The following PHEX variants were observed in gnomAD, a reference collection of about 807,000 sequenced individuals.
PHEX encodes phosphate-regulating neutral endopeptidase PHEX.
Under a neutral mutation model 68.0 loss-of-function variants are expected in PHEX, and 16 were observed. The observed-to-expected ratio is 0.24, with a 90% CI of 0.16 to 0.36. The LOEUF is 0.36. PHEX is among the 10% of genes least tolerant of loss of function. PHEX has a pLI of 1.00. For missense variants in PHEX, 480 were observed against 575.5 expected (o/e 0.83, Z 1.70); for synonymous variants, 208 against 205.1 (o/e 1.01, Z -0.12).
rs765989467 is a variant in PHEX, at chrX:22,076,512, C to A, written c.436+38C>A. ...GAAAACTAAATAAAATATTTACCAT[C>A]CCTATCCTTTAGAGTTCTATTAATG... On this transcript the variant is annotated intron_variant, in intron 4 of 21. Transcript: ENST00000379374. The A allele has an allele frequency of 8.0e-6, 7 of 879,914 alleles. No individual in the cohort carries two copies. In the Admixed American group the frequency reaches 1.3e-4, roughly 17 times the overall value. The allele number at this position is 879,914 out of a possible 1,213,427, so 72.5% of individuals were successfully genotyped here.
chrX:22,204,513 C>T (rs974112214), intron 15 of PHEX, among the ~76,000 whole-genome samples: 4 of 111,903 alleles, frequency 3.6e-5, no homozygotes, highest in African/African-American at 1.3e-4. Context: ...CGAGTGGTAT[C>T]CTTTCTCCCT....
intron 16 of PHEX, among the ~76,000 whole-genome samples, chrX:22,215,244 C>CTTGT (rs1935050843): frequency 9.0e-6 from 1 of 111,161 alleles, no homozygotes; most frequent in Admixed American, 9.6e-5. Flanking sequence ...TTCCTAAAGA[C>CTTGT]TTGTTTGTCC....
intron 12 of PHEX, among the ~76,000 whole-genome samples, chrX:22,166,293 C>T (rs757559559): frequency 9.0e-6 from 1 of 111,697 alleles, no homozygotes; most frequent in Admixed American, 9.5e-5. Context: ...ATTTAGCTCT[C>T]TCTTAGCTGT....
At chrX:22,217,107 A>T (rs941709868) in intron 16 of PHEX, among the ~76,000 whole-genome samples, 2 of 111,778 alleles carry the variant, frequency 1.8e-5, no homozygotes, top group Admixed American at 9.5e-5. Context: ...CCTTCAATTC[A>T]TCCAGTCAAC....
chrX:22,203,701 G>A (rs923764950), intron 15 of PHEX, among the ~76,000 whole-genome samples: 29 of 111,249 alleles, frequency 2.6e-4, no homozygotes, highest in South Asian at 1.1e-3. Context: ...CATTCATCCC[G>A]GATTTTCTAA....
intron 13 of PHEX, among the ~76,000 whole-genome samples, chrX:22,173,993 C>T (rs1933621751): frequency 1.8e-5 from 2 of 112,015 alleles, no homozygotes; most frequent in South Asian, 7.4e-4. Flanking sequence ...CCTTGTTCTG[C>T]GCTTATTACA....
In PHEX at chrX:22,249,535, G is replaced by A. The variant is rs1157389427; in HGVS notation, c.*1582G>A. On this transcript the variant is annotated 3_prime_UTR_variant, in exon 22 of 22. Coordinates refer to ENST00000379374, the MANE Select transcript of PHEX (RefSeq NM_000444.6). Reference sequence around the variant, plus strand: ...CATGTCCTTTTGTAGCCATGGGAACGTTTGAATGGAGAAAAATGGAGGGGC... The same window carrying A: ...CATGTCCTTTTGTAGCCATGGGAACATTTGAATGGAGAAAAATGGAGGGGC... The A allele has an allele frequency of 6.4e-5, 6 of 93,299 alleles. No homozygotes were observed. The highest frequency in any genetic ancestry group is 2.1e-4 in the African/African-American group (5 of 23,464). 7.7% of individuals were successfully genotyped at this position (93,299 alleles called of 1,213,427 possible).
chrX:22,037,016 G>A lies in PHEX; in HGVS notation c.119-1453G>A, dbSNP rs950552756. Among the ~76,000 whole-genome samples, 4 of 106,055 alleles carry A rather than the reference G, an allele frequency of 3.8e-5. No homozygotes were observed. The East Asian group carries it at 8.9e-4, about 24-fold the overall frequency. The allele number at this position is 106,055 out of a possible 115,157, so 92.1% of individuals were successfully genotyped here. A position where few individuals can be genotyped will look rare whatever the true frequency, so the allele number is the denominator to read the frequency against. ...CGGGAGGCTGAGGCAGGAGAATGGCGTGAACCCGGGAGGCAGAGCTTGCAG... is the reference window on the plus strand; with the variant it reads ...CGGGAGGCTGAGGCAGGAGAATGGCATGAACCCGGGAGGCAGAGCTTGCAG... On this transcript the variant is annotated intron_variant, in intron 1 of 21. Transcript: ENST00000379374.
In PHEX at chrX:22,249,455, A is replaced by ATATATATATAT. The variant is rs1555900710; in HGVS notation, c.*1502_*1503insTATATATATAT. ...TTGTGATTCTTTTAAAAAAAAAAAAAATATATATATATATATATATATATA... is the reference window on the plus strand; with the variant it reads ...TTGTGATTCTTTTAAAAAAAAAAAAATATATATATATATATATATATATATATATATATATA... On this transcript the variant is annotated 3_prime_UTR_variant, in exon 22 of 22. Coordinates refer to ENST00000379374, the MANE Select transcript of PHEX (RefSeq NM_000444.6). The ATATATATATAT allele has an allele frequency of 1.3e-3, 51 of 39,738 alleles. No individual in the cohort carries two copies. The highest frequency in any genetic ancestry group is 1.6e-3 in the Non-Finnish European group (39 of 24,461). The allele number at this position is 39,738 out of a possible 1,213,427, so 3.3% of individuals were successfully genotyped here.
At chrX:22,179,155 G>A (rs761423828) in intron 14 of PHEX, among the ~76,000 whole-genome samples, 1 of 111,281 alleles carries the variant, frequency 9.0e-6, no homozygotes, top group South Asian at 3.8e-4. Flanking sequence ...ATCACATTTT[G>A]TTCTGTCTGC....
At chrX:22,224,511 A>G (rs1935379034) in intron 18 of PHEX, among the ~76,000 whole-genome samples, 1 of 110,673 alleles carries the variant, frequency 9.0e-6, no homozygotes, top group South Asian at 3.9e-4. Flanking sequence ...AGATGAGGTG[A>G]CTCCCATAAG....
intron 2 of PHEX, among the ~76,000 whole-genome samples, chrX:22,042,661 T>G (rs1176525265): frequency 2.7e-5 from 3 of 111,186 alleles, no homozygotes; most frequent in Non-Finnish European, 5.7e-5. Context: ...GGCGCAAGTC[T>G]GTAATCCCAG....
chrX:22,229,579 T>A (rs916386468), intron 20 of PHEX, among the ~76,000 whole-genome samples: 1 of 112,414 alleles, frequency 8.9e-6, no homozygotes, highest in African/African-American at 3.2e-5. Context: ...TTGCCCACTT[T>A]TTGATGAGGT....
intron 12 of PHEX, among the ~76,000 whole-genome samples, chrX:22,143,129 T>A (rs1238219796): frequency 8.9e-6 from 1 of 112,304 alleles, no homozygotes; most frequent in African/African-American, 3.2e-5. Flanking sequence ...ACATTTTTTT[T>A]AATTGAGGTA....
At chrX:22,237,545 A>G (rs113217123) in intron 20 of PHEX, among the ~76,000 whole-genome samples, 508 of 111,806 alleles carry the variant, frequency 4.5e-3, no homozygotes, top group Non-Finnish European at 7.9e-3. Context: ...ACTAGCCTCT[A>G]ATTTCTTCCT....
chrX:22,059,011 G>T (rs1928243304), intron 3 of PHEX, among the ~76,000 whole-genome samples: 2 of 111,511 alleles, frequency 1.8e-5, no homozygotes, highest in Admixed American at 9.5e-5. Flanking sequence ...CAACATGTTG[G>T]CCAGGCTGGT....
chrX:22,199,782 TA>T (rs1257536981), intron 15 of PHEX, among the ~76,000 whole-genome samples: 1 of 112,147 alleles, frequency 8.9e-6, no homozygotes, highest in Non-Finnish European at 1.9e-5. Context: ...TAAGGAAATT[TA>T]AAAAGAAATC....
intron 5 of PHEX, among the ~76,000 whole-genome samples, chrX:22,079,392 TTA>T (rs1929290899): frequency 1.8e-5 from 2 of 112,328 alleles, no homozygotes; most frequent in African/African-American, 3.2e-5. Context: ...CTTTCTGCAG[TTA>T]TGTTTTAATC....
chrX:22,213,679 A>C (rs1935001523), intron 16 of PHEX, among the ~76,000 whole-genome samples: 1 of 112,040 alleles, frequency 8.9e-6, no homozygotes, highest in Non-Finnish European at 1.9e-5. Flanking sequence ...CACCATTTCT[A>C]TTATATACTT....
Sources: allele counts gnomAD v4.1 joint callset (sites outside exome capture counted in the v4.1 genomes callset), GRCh38; gene constraint gnomAD v4.1.1; transcripts MANE v1.5; gene names NCBI Gene and HGNC (gene_info 2026-07-23, HGNC 2026-07-21).